The following STXBP6 variants were observed in gnomAD, a reference collection of about 807,000 sequenced individuals.
STXBP6 encodes the protein syntaxin-binding protein 6.
Under a neutral mutation model 26.9 loss-of-function variants are expected in STXBP6, and 21 were observed. The ratio of observed to expected loss-of-function variants is 0.78; its 90% confidence interval spans 0.55 to 1.12. STXBP6 has a LOEUF of 1.12. Ranked by LOEUF, STXBP6 falls within the 50% of genes most tolerant of loss-of-function variation. The probability of loss-of-function intolerance (pLI) is 0.00; values close to 1 mark genes in which losing one functional copy is unlikely to be tolerated. For synonymous variants in STXBP6, 97 were observed against 92.6 expected, an observed-to-expected ratio of 1.05 and a Z score of -0.27; for missense variants, 232 against 257.9, an observed-to-expected ratio of 0.90 and a Z score of 0.69.
intron 1 of STXBP6, among the ~76,000 whole-genome samples, chr14:25,041,067 A>G (rs1256652082): frequency 6.6e-6 from 1 of 152,198 alleles, no homozygotes; most frequent in Non-Finnish European, 1.5e-5. Context: ...CACGCCTGTA[A>G]TCCCAGCACT....
At chr14:24,915,935 C>T (rs1039276103) in intron 2 of STXBP6, among the ~76,000 whole-genome samples, 1 of 152,082 alleles carries the variant, frequency 6.6e-6, no homozygotes, top group Non-Finnish European at 1.5e-5. Context: ...GCTTTTTTAA[C>T]AGGGTTCAAC....
intron 4 of STXBP6, among the ~76,000 whole-genome samples, chr14:24,833,197 G>A (rs904351002): frequency 6.6e-6 from 1 of 152,166 alleles, no homozygotes; most frequent in African/African-American, 2.4e-5. Flanking sequence ...CCAAGGATAT[G>A]AGCATGGCAC....
At chr14:24,866,025 C>T (rs2069705940) in intron 2 of STXBP6, among the ~76,000 whole-genome samples, 1 of 151,918 alleles carries the variant, frequency 6.6e-6, no homozygotes, top group Non-Finnish European at 1.5e-5. Context: ...CCTGCAGTGC[C>T]CAGGTATGTA....
intron 2 of STXBP6, among the ~76,000 whole-genome samples, chr14:24,870,871 T>A (rs574119104): frequency 6.6e-6 from 1 of 152,240 alleles, no homozygotes; most frequent in Admixed American, 6.5e-5. Flanking sequence ...ATCACAAAAA[T>A]ACGAAACACA....
chr14:24,999,363 A>G (rs980233767), intron 1 of STXBP6, among the ~76,000 whole-genome samples: 1 of 152,210 alleles, frequency 6.6e-6, no homozygotes, highest in African/African-American at 2.4e-5. Flanking sequence ...ACCAGAAACC[A>G]TGCAAGTAAG....
At chr14:25,021,972 T>C (rs573526727) in intron 1 of STXBP6, among the ~76,000 whole-genome samples, 1 of 152,330 alleles carries the variant, frequency 6.6e-6, no homozygotes, top group South Asian at 2.1e-4. Flanking sequence ...GGGAGTGGTA[T>C]AGGCCTATAA....
At chr14:24,818,634 A>T (rs1200040362) in intron 5 of STXBP6, among the ~76,000 whole-genome samples, 4 of 152,188 alleles carry the variant, frequency 2.6e-5, no homozygotes, top group African/African-American at 7.2e-5. Flanking sequence ...AAGGGACAGG[A>T]TGGAAAAGCA....
chr14:24,841,141 G>T (rs1290066295), intron 4 of STXBP6, among the ~76,000 whole-genome samples: 1 of 151,980 alleles, frequency 6.6e-6, no homozygotes, highest in Non-Finnish European at 1.5e-5. Context: ...TATCAGCAAG[G>T]GTCTAGAGGT....
intron 2 of STXBP6, among the ~76,000 whole-genome samples, chr14:24,866,372 A>G (rs1039926854): frequency 8.5e-5 from 13 of 152,126 alleles, no homozygotes; most frequent in Admixed American, 7.2e-4. Flanking sequence ...GTGTATATAT[A>G]TGTGCATGGT....
chr14:24,867,084 G>C lies in STXBP6; in HGVS notation c.155-9927C>G, dbSNP rs189864254. On this transcript the variant is annotated intron_variant, in intron 2 of 5. Transcript: ENST00000323944. ...TTAAAACTTAATCCCCATTGCAACA[G>C]TATTAAGAGTTGGGCCCTTGAGAAA... 6.6e-5 allele frequency among the ~76,000 whole-genome samples: 10 copies of C among 152,252 alleles called. No homozygotes were observed. In the East Asian group the frequency reaches 1.5e-3, roughly 24 times the overall value.
chr14:24,983,030 C>G (rs1450846094), intron 1 of STXBP6, among the ~76,000 whole-genome samples: 1 of 152,116 alleles, frequency 6.6e-6, no homozygotes, highest in East Asian at 1.9e-4. Flanking sequence ...GTTTAAATTC[C>G]AAGGACCAGT....
Position 24,981,054 on chromosome 14 carries a change from A to G in STXBP6, c.-32-6204T>C, listed in dbSNP as rs2074178573. On this transcript the variant is annotated intron_variant, in intron 1 of 5. Coordinates refer to ENST00000323944, the MANE Select transcript of STXBP6 (RefSeq NM_001394410.1). Reference sequence around the variant, plus strand: ...ATCTTTGGGTTTTCCCCCTGTATTTAATGAATTACTTATAAAACAAATAAA... The same window carrying G: ...ATCTTTGGGTTTTCCCCCTGTATTTGATGAATTACTTATAAAACAAATAAA... Among the ~76,000 whole-genome samples, 5 of 152,288 alleles carry G rather than the reference A, an allele frequency of 3.3e-5. No homozygotes were observed. In the South Asian group the frequency reaches 1.0e-3, roughly 32 times the overall value.
intron 2 of STXBP6, among the ~76,000 whole-genome samples, chr14:24,900,498 C>T (rs911526778): frequency 3.0e-4 from 46 of 152,324 alleles, no homozygotes; most frequent in Non-Finnish European, 5.3e-4. Context: ...AAAATAAACT[C>T]CAGGCTTCCT....
rs552300392 is a variant in STXBP6 at position 24,922,602 on chromosome 14, A to C, written c.154+52063T>G. On this transcript the variant is annotated intron_variant, in intron 2 of 5. Transcript: ENST00000323944. ...ACATCTCTACAACCTCCCAGGTCCT[A>C]CAAGTACACAGGGATGCTGTCCTTT... 2.6e-5 allele frequency among the ~76,000 whole-genome samples: 4 copies of C among 152,170 alleles called. No homozygotes were observed. The South Asian group carries it at 8.3e-4, about 32-fold the overall frequency.
chr14:25,021,163 A>G (rs2075255727), intron 1 of STXBP6, among the ~76,000 whole-genome samples: 1 of 152,110 alleles, frequency 6.6e-6, no homozygotes, highest in Non-Finnish European at 1.5e-5. Flanking sequence ...ACTTCCCACC[A>G]TCAGACTAAT....
At chr14:25,012,130 C>T (rs1243469692) in intron 1 of STXBP6, among the ~76,000 whole-genome samples, 1 of 151,944 alleles carries the variant, frequency 6.6e-6, no homozygotes, top group East Asian at 1.9e-4. Context: ...AAGCAGATCA[C>T]TCAGGCATAC....
chr14:24,820,028 C>T (rs1000124149), intron 4 of STXBP6, among the ~76,000 whole-genome samples: 1 of 152,172 alleles, frequency 6.6e-6, no homozygotes, highest in African/African-American at 2.4e-5. Flanking sequence ...ATCCCATTTG[C>T]CGGGACTGGG....
chr14:25,023,970 A>G (rs185795756), intron 1 of STXBP6, among the ~76,000 whole-genome samples: 8 of 152,328 alleles, frequency 5.3e-5, no homozygotes, highest in Admixed American at 4.6e-4. Flanking sequence ...GTACCACTAT[A>G]CTAGGAGGAA....
intron 4 of STXBP6, among the ~76,000 whole-genome samples, chr14:24,844,051 AC>A (rs2068865560): frequency 6.6e-6 from 1 of 152,168 alleles, no homozygotes; most frequent in Non-Finnish European, 1.5e-5. Flanking sequence ...GGCTGGAGAT[AC>A]AGTCAATCAC....
Sources: gnomAD v4.1 joint callset for allele counts (sites outside exome capture counted in the v4.1 genomes callset) on GRCh38, gnomAD v4.1.1 for gene constraint, MANE v1.5 for transcripts, NCBI Gene and HGNC (gene_info 2026-07-23, HGNC 2026-07-21) for gene names.